Variants in DGKB observed in about 807,000 individuals in gnomAD.
DGKB encodes the protein 90 kDa diacylglycerol kinase.
In DGKB, 67 loss-of-function variants were observed where a neutral mutation model predicts 114.3. That is an observed-to-expected ratio of 0.59 (90% CI 0.48 to 0.72). The LOEUF is 0.72. DGKB is among the 30% of genes least tolerant of loss of function. The pLI is 0.00. For synonymous variants in DGKB, 398 were observed against 323.1 expected, an observed-to-expected ratio of 1.23 and a Z score of -2.49; for missense variants, 907 against 975.2, an observed-to-expected ratio of 0.93 and a Z score of 0.93.
intron 21 of DGKB, among the ~76,000 whole-genome samples, chr7:14,465,246 A>G (rs1229935021): frequency 1.3e-5 from 2 of 152,158 alleles, no homozygotes; most frequent in Non-Finnish European, 2.9e-5. Context: ...AGGATATTTC[A>G]TATTAACATT....
chr7:14,444,188 T>C (rs1033945421), intron 21 of DGKB, among the ~76,000 whole-genome samples: 1 of 151,884 alleles, frequency 6.6e-6, no homozygotes, highest in Non-Finnish European at 1.5e-5. Context: ...TTATAAATCC[T>C]CTTTATATCT....
At chr7:14,491,989 A>T (rs184131874) in intron 20 of DGKB, among the ~76,000 whole-genome samples, 1 of 152,096 alleles carries the variant, frequency 6.6e-6, no homozygotes, top group Non-Finnish European at 1.5e-5. Context: ...CAGAACTCCC[A>T]TAACACTAAA....
chr7:14,857,279 T>TGTGTG (rs1586950183), intron 1 of DGKB, among the ~76,000 whole-genome samples: 1 of 151,408 alleles, frequency 6.6e-6, no homozygotes, highest in Non-Finnish European at 1.5e-5. Context: ...TGTGTGTGTG[T>TGTGTG]TGCTGGCACT....
chr7:14,530,717 A>G (rs1024042577), intron 20 of DGKB, among the ~76,000 whole-genome samples: 2 of 151,560 alleles, frequency 1.3e-5, no homozygotes, highest in Non-Finnish European at 3.0e-5. Context: ...TGCCAATCTC[A>G]CAAAGAATAA....
intron 23 of DGKB, among the ~76,000 whole-genome samples, chr7:14,283,227 A>T (rs1356888116): frequency 6.6e-6 from 1 of 151,600 alleles, no homozygotes. Flanking sequence ...CCACAGACAA[A>T]CAGAGAGCCA....
At chr7:14,334,480 G>A (rs1810333532) in intron 23 of DGKB, among the ~76,000 whole-genome samples, 1 of 151,580 alleles carries the variant, frequency 6.6e-6, no homozygotes, top group Admixed American at 6.6e-5. Flanking sequence ...AGAGAAGGAG[G>A]AGAAGTTGTT....
intron 1 of DGKB, among the ~76,000 whole-genome samples, chr7:14,895,332 T>G (rs1379047962): frequency 6.6e-6 from 1 of 151,574 alleles, no homozygotes; most frequent in Admixed American, 6.6e-5. Context: ...TTCTACTCAC[T>G]GCCACCTGTT....
chr7:14,362,038 G>A (rs762276718), intron 21 of DGKB, among the ~76,000 whole-genome samples: 3 of 151,730 alleles, frequency 2.0e-5, no homozygotes. Flanking sequence ...GGATATTTAC[G>A]GTCACTCATT....
chr7:14,801,925 T>TATACAC lies in DGKB; in HGVS notation c.70+39268_70+39269insGTGTAT, dbSNP rs1554281696. Among the ~76,000 whole-genome samples the TATACAC allele has an allele frequency of 2.8e-3, 420 of 148,042 alleles. 2 individuals carry two copies. Among genetic ancestry groups the TATACAC allele is most frequent in the African/African-American group, 9.2e-3 (366 of 39,926 alleles). Reference sequence around the variant, plus strand: ...ACACATATACACACATATATACATATACACACACACACACACACACACGCA... The same window carrying TATACAC: ...ACACATATACACACATATATACATATATACACACACACACACACACACACACACGCA... On this transcript the variant is annotated intron_variant, in intron 2 of 25. Coordinates refer to ENST00000402815, the MANE Select transcript of DGKB (RefSeq NM_001350709.2).
At chr7:14,333,632 T>A (rs1048416202) in intron 23 of DGKB, among the ~76,000 whole-genome samples, 2 of 152,136 alleles carry the variant, frequency 1.3e-5, no homozygotes, top group Non-Finnish European at 2.9e-5. Flanking sequence ...ATAGTATGAA[T>A]GTGTTGCTTC....
At chr7:14,622,941 G>A (rs192072931) in intron 14 of DGKB, among the ~76,000 whole-genome samples, 3 of 152,200 alleles carry the variant, frequency 2.0e-5, no homozygotes, top group African/African-American at 7.2e-5. Flanking sequence ...CTAGTCCCTT[G>A]AGCCTCCTTT....
At chr7:14,873,248 A>C (rs1852755254) in intron 1 of DGKB, among the ~76,000 whole-genome samples, 1 of 152,086 alleles carries the variant, frequency 6.6e-6, no homozygotes, top group Admixed American at 6.5e-5. Flanking sequence ...ATCCCTTTCT[A>C]TTACACTTTC....
intron 20 of DGKB, among the ~76,000 whole-genome samples, chr7:14,545,330 G>T (rs370069131): frequency 1.3e-5 from 2 of 152,110 alleles, no homozygotes; most frequent in African/African-American, 4.8e-5. Flanking sequence ...ATGAGTGTTC[G>T]ACCATGTTCC....
intron 5 of DGKB, among the ~76,000 whole-genome samples, chr7:14,729,284 G>A (rs554576796): frequency 1.3e-4 from 18 of 134,416 alleles, no homozygotes; most frequent in South Asian, 6.7e-4. Flanking sequence ...CACCACATCC[G>A]GCTAATTTTT....
intron 24 of DGKB, 86 bp downstream of exon 24, chr7:14,177,945 T>C: frequency 4.4e-6 from 6 of 1,354,350 alleles, no homozygotes; most frequent in Non-Finnish European, 5.9e-6. Flanking sequence ...AAGAAGACAA[T>C]GTTACTATCA....
rs77496875 is a variant in DGKB at position 14,664,580 on chromosome 7, C to T, written c.1134+8349G>A. ...CCCTTTAAAAAATATTTTGGAGTTTCATGATCACACTATGTACTCTCTTGT... is the reference window on the plus strand; with the variant it reads ...CCCTTTAAAAAATATTTTGGAGTTTTATGATCACACTATGTACTCTCTTGT... On this transcript the variant is annotated intron_variant, in intron 13 of 25. Coordinates refer to ENST00000402815, the MANE Select transcript of DGKB (RefSeq NM_001350709.2). 6.8e-3 allele frequency among the ~76,000 whole-genome samples: 1,038 copies of T among 152,096 alleles called. 16 individuals carry two copies. The highest frequency in any genetic ancestry group is 0.022 in the African/African-American group (926 of 41,530).
chr7:14,524,163 G>A (rs1009701005), intron 20 of DGKB, among the ~76,000 whole-genome samples: 1 of 151,796 alleles, frequency 6.6e-6, no homozygotes, highest in African/African-American at 2.4e-5. Flanking sequence ...GTTATATTCA[G>A]AATATAAGAC....
rs779517410 is a variant in DGKB at position 14,682,776 on chromosome 7, C to T, written c.895G>A (p.Val299Met). ...ACATCAGTGTTCCTTTTGGACTTCA[C>T]ATAGGTCTTGATGCAAGAGGGAGGT... ...RAPPSCIKTY[V>M]KSKRNTDVMH... is the part of the protein sequence containing the mutation. Residue 299 changes from valine (V) to methionine (M), a missense_variant, in exon 11 of 26, where the codon GTG (valine) becomes ATG (methionine). By Grantham distance (21) the Val-to-Met change is conservative. Around this residue, in one of 3 missense-constraint regions of DGKB, gnomAD observed 814 missense variants for 856.6 expected, o/e 0.95. Coordinates refer to ENST00000402815, the MANE Select transcript of DGKB (RefSeq NM_001350709.2). 6 of 1,611,194 alleles carry T rather than the reference C, an allele frequency of 3.7e-6. No homozygotes were observed. The South Asian group carries it at 6.6e-5, about 18-fold the overall frequency.
intron 2 of DGKB, among the ~76,000 whole-genome samples, chr7:14,823,215 G>A (rs1005875209): frequency 1.3e-5 from 2 of 151,676 alleles, no homozygotes; most frequent in African/African-American, 4.8e-5. Context: ...GCAAATTAAT[G>A]GATACAGTAT....
Sources: allele counts gnomAD v4.1 joint callset (sites outside exome capture counted in the v4.1 genomes callset), GRCh38; gene constraint gnomAD v4.1.1; regional missense constraint gnomAD v4.1.1; transcripts MANE v1.5; gene names NCBI Gene and HGNC (gene_info 2026-07-23, HGNC 2026-07-21).